AUTS2: variants seen among roughly 807,000 people sequenced by gnomAD.
The protein encoded by AUTS2 is autism susceptibility gene 2 protein.
Under a neutral mutation model 112.4 loss-of-function variants are expected in AUTS2, and 17 were observed. The ratio of observed to expected loss-of-function variants is 0.15; its 90% confidence interval spans 0.10 to 0.23. The LOEUF is 0.23. Among genes scored for constraint, AUTS2 ranks in the 10% least tolerant of loss-of-function variants. The probability of loss-of-function intolerance (pLI) is 1.00; values close to 1 mark genes in which losing one functional copy is unlikely to be tolerated. For synonymous variants in AUTS2, 751 were observed against 702.7 expected, an observed-to-expected ratio of 1.07 and a Z score of -1.09; for missense variants, 1,510 against 1,701.6, an observed-to-expected ratio of 0.89 and a Z score of 1.98.
intron 1 of AUTS2, among the ~76,000 whole-genome samples, chr7:69,774,073 C>CCCACCA (rs1788790110): frequency 6.6e-6 from 1 of 152,212 alleles, no homozygotes; most frequent in Non-Finnish European, 1.5e-5. Flanking sequence ...AGAGTCCACA[C>CCCACCA]CCACCACCCC....
At chr7:70,479,870 G>A (rs967628199) in intron 5 of AUTS2, among the ~76,000 whole-genome samples, 1 of 152,220 alleles carries the variant, frequency 6.6e-6, no homozygotes, top group Admixed American at 6.5e-5. Flanking sequence ...ACCAAGGTGT[G>A]AGAGTGTGAA....
At chr7:70,680,575 T>C (rs1291705257) in intron 5 of AUTS2, among the ~76,000 whole-genome samples, 4 of 152,178 alleles carry the variant, frequency 2.6e-5, no homozygotes, top group Non-Finnish European at 4.4e-5. Context: ...TGCCTCCTCA[T>C]GCACCCCCAA....
intron 5 of AUTS2, among the ~76,000 whole-genome samples, chr7:70,674,493 G>A (rs775216827): frequency 5.3e-5 from 8 of 152,180 alleles, no homozygotes; most frequent in Non-Finnish European, 1.0e-4. Flanking sequence ...AAGAGGGAGC[G>A]AGGGAGTGAG....
chr7:69,617,775 CT>C (rs1205262548), intron 1 of AUTS2, among the ~76,000 whole-genome samples: 1 of 152,170 alleles, frequency 6.6e-6, no homozygotes, highest in African/African-American at 2.4e-5. Context: ...CATGGGGCAT[CT>C]TTTTGGAGAC....
At chr7:70,325,512 G>A (rs1315630119) in intron 4 of AUTS2, among the ~76,000 whole-genome samples, 1 of 152,084 alleles carries the variant, frequency 6.6e-6, no homozygotes, top group African/African-American at 2.4e-5. Context: ...CGTCACAATG[G>A]CTAGTATATA....
intron 4 of AUTS2, among the ~76,000 whole-genome samples, chr7:70,315,947 GT>G (rs1789975691): frequency 6.6e-6 from 1 of 152,112 alleles, no homozygotes; most frequent in South Asian, 2.1e-4. Context: ...TTCTCAAGTT[GT>G]TCTCCTTTGT....
chr7:70,554,872 GCCT>G (rs1047410956), intron 5 of AUTS2, among the ~76,000 whole-genome samples: 1 of 152,218 alleles, frequency 6.6e-6, no homozygotes, highest in Non-Finnish European at 1.5e-5. Flanking sequence ...TGGACGGTTG[GCCT>G]CCTGTGATGA....
At chr7:70,732,955 C>A (rs910215430) in intron 6 of AUTS2, among the ~76,000 whole-genome samples, 6 of 152,106 alleles carry the variant, frequency 3.9e-5, no homozygotes, top group Non-Finnish European at 1.5e-5. Context: ...GGAGGTGGCC[C>A]CTCACCAAAG....
At chr7:70,186,322 A>T (rs898552278) in intron 4 of AUTS2, among the ~76,000 whole-genome samples, 1 of 152,106 alleles carries the variant, frequency 6.6e-6, no homozygotes, top group Non-Finnish European at 1.5e-5. Flanking sequence ...GATGATGTTT[A>T]TGGGTATAAA....
At chr7:69,869,652 G>T (rs768691757) in intron 1 of AUTS2, among the ~76,000 whole-genome samples, 2 of 151,784 alleles carry the variant, frequency 1.3e-5, no homozygotes, top group Non-Finnish European at 2.9e-5. Flanking sequence ...AGCATCCCTC[G>T]GTTGTTGTAT....
intron 2 of AUTS2, among the ~76,000 whole-genome samples, chr7:70,111,524 A>G (rs1805088797): frequency 6.6e-6 from 1 of 152,196 alleles, no homozygotes; most frequent in South Asian, 2.1e-4. Flanking sequence ...TCACCTCAGA[A>G]ATTTCCCTTG....
intron 1 of AUTS2, among the ~76,000 whole-genome samples, chr7:69,685,230 T>A (rs1215491255): frequency 6.6e-6 from 1 of 152,210 alleles, no homozygotes; most frequent in East Asian, 1.9e-4. Context: ...TCCTCACCTT[T>A]GCACCTCTGC....
At chr7:69,609,578 A>C (rs1315746390) in intron 1 of AUTS2, among the ~76,000 whole-genome samples, 1 of 152,204 alleles carries the variant, frequency 6.6e-6, no homozygotes, top group Non-Finnish European at 1.5e-5. Flanking sequence ...CCCATGTAAA[A>C]TTTTTAACAT....
At chr7:70,727,511 G>A (rs941650869) in intron 6 of AUTS2, among the ~76,000 whole-genome samples, 7 of 152,004 alleles carry the variant, frequency 4.6e-5, no homozygotes, top group African/African-American at 1.7e-4. Context: ...CACCACACCC[G>A]GCTAATTTTT....
intron 6 of AUTS2, among the ~76,000 whole-genome samples, chr7:70,750,414 T>C (rs1585624010): frequency 7.5e-6 from 1 of 133,968 alleles, no homozygotes; most frequent in Non-Finnish European, 1.5e-5. Flanking sequence ...AGCCTCTACC[T>C]CCCAGGCTCA....
chr7:70,509,253 C>T (rs1799089863), intron 5 of AUTS2, among the ~76,000 whole-genome samples: 1 of 152,166 alleles, frequency 6.6e-6, no homozygotes, highest in South Asian at 2.1e-4. Context: ...CATTCCTGCC[C>T]TCATGGAGCT....
At chr7:70,447,456 C>G (rs140589817) in intron 5 of AUTS2, among the ~76,000 whole-genome samples, 35 of 152,332 alleles carry the variant, frequency 2.3e-4, no homozygotes, top group African/African-American at 7.2e-4. Flanking sequence ...ATGTGCTATA[C>G]ATATGTTGAC....
At chr7:69,872,963 C>G (rs935728465) in intron 1 of AUTS2, among the ~76,000 whole-genome samples, 2 of 150,412 alleles carry the variant, frequency 1.3e-5, no homozygotes, top group African/African-American at 4.9e-5. Context: ...CTGCCTCAGC[C>G]TCCCGAGTAG....
intron 4 of AUTS2, chr7:70,292,572 C>T (rs1788756881): frequency 6.6e-6 from 1 of 152,150 alleles, no homozygotes; most frequent in African/African-American, 2.4e-5. Flanking sequence ...AAATGCAGGA[C>T]AAAATGCATG....
Sources: gnomAD v4.1 joint callset for allele counts (sites outside exome capture counted in the v4.1 genomes callset) on GRCh38, gnomAD v4.1.1 for gene constraint, MANE v1.5 for transcripts, NCBI Gene and HGNC (gene_info 2026-07-23, HGNC 2026-07-21) for gene names.